OBI1: variants seen among roughly 807,000 people sequenced by gnomAD.
The protein encoded by OBI1 is ring finger protein 219.
Under a neutral mutation model 62.4 loss-of-function variants are expected in OBI1, and 59 were observed. The ratio of observed to expected loss-of-function variants is 0.95; its 90% confidence interval spans 0.77 to 1.17. The LOEUF (loss-of-function observed/expected upper bound fraction) is 1.17, where lower values mean the gene tolerates loss of function less well. Among genes scored for constraint, OBI1 ranks in the 50% most tolerant of loss-of-function variants. The pLI is 0.00. For synonymous variants in OBI1, 302 were observed against 292.8 expected (o/e 1.03, Z -0.32); for missense variants, 875 against 830.9 (o/e 1.05, Z -0.65).
intron 5 of OBI1, among the ~76,000 whole-genome samples, chr13:78,622,667 A>G (rs1218746727): frequency 1.3e-5 from 2 of 152,212 alleles, no homozygotes; most frequent in East Asian, 3.8e-4. Context: ...ATATCTCCCA[A>G]CACACAATCT....
chr13:78,653,573 C>T (rs1876608520), intron 1 of OBI1, among the ~76,000 whole-genome samples: 1 of 152,174 alleles, frequency 6.6e-6, no homozygotes, highest in African/African-American at 2.4e-5. Flanking sequence ...ACAGTTCTTT[C>T]TTCCTTGGAG....
intron 1 of OBI1, among the ~76,000 whole-genome samples, chr13:78,645,436 A>G (rs1163591334): frequency 1.3e-5 from 2 of 152,218 alleles, no homozygotes; most frequent in Non-Finnish European, 2.9e-5. Flanking sequence ...ACAGAATAAC[A>G]GCAACTATTA....
intron 5 of OBI1, among the ~76,000 whole-genome samples, chr13:78,633,936 G>A (rs1341530016): frequency 4.0e-5 from 6 of 151,662 alleles, no homozygotes; most frequent in Admixed American, 6.6e-5. Flanking sequence ...GCGAGGTGGC[G>A]GGTGCCTGTA....
chr13:78,658,015 C>T (rs1039965268), intron 1 of OBI1, among the ~76,000 whole-genome samples: 6 of 152,202 alleles, frequency 3.9e-5, no homozygotes, highest in African/African-American at 1.4e-4. Context: ...TTATCAGTTG[C>T]TTCCAATGCT....
intron 5 of OBI1, among the ~76,000 whole-genome samples, chr13:78,618,514 T>TC (rs1222989613): frequency 6.6e-6 from 1 of 152,042 alleles, no homozygotes; most frequent in East Asian, 1.9e-4. Context: ...CCCAATTCAT[T>TC]CCCCATCTCA....
At chr13:78,647,784 T>C (rs1163562143) in intron 1 of OBI1, among the ~76,000 whole-genome samples, 2 of 152,034 alleles carry the variant, frequency 1.3e-5, no homozygotes, top group Non-Finnish European at 2.9e-5. Context: ...GCTGGCCCCC[T>C]TCAATGATGG....
intron 5 of OBI1, among the ~76,000 whole-genome samples, chr13:78,618,166 G>A (rs188459000): frequency 1.8e-4 from 28 of 152,048 alleles, no homozygotes; most frequent in Admixed American, 7.9e-4. Flanking sequence ...ACATAATCCC[G>A]TGAAAAATAC....
At chr13:78,654,086 T>C (rs1372869755) in intron 1 of OBI1, among the ~76,000 whole-genome samples, 1 of 150,372 alleles carries the variant, frequency 6.7e-6, no homozygotes, top group Non-Finnish European at 1.5e-5. Flanking sequence ...ATAGAACTGG[T>C]TCCCCATTCC....
intron 5 of OBI1, among the ~76,000 whole-genome samples, chr13:78,618,566 G>C (rs1490905509): frequency 6.6e-6 from 1 of 151,960 alleles, no homozygotes; most frequent in African/African-American, 2.4e-5. Flanking sequence ...GAAGGAAAAA[G>C]CAGAGGCAAA....
At chr13:78,650,335 G>A (rs769475402) in intron 1 of OBI1, among the ~76,000 whole-genome samples, 5 of 152,220 alleles carry the variant, frequency 3.3e-5, no homozygotes, top group Non-Finnish European at 7.3e-5. Context: ...TAGAGAATAA[G>A]TATGATAGAA....
intron 1 of OBI1, among the ~76,000 whole-genome samples, chr13:78,656,451 G>A (rs930950269): frequency 1.6e-4 from 24 of 152,092 alleles, no homozygotes; most frequent in African/African-American, 5.1e-4. Context: ...GCGTGGTGGC[G>A]CATGCCTGTA....
intron 4 of OBI1, among the ~76,000 whole-genome samples, chr13:78,636,293 T>C (rs978331900): frequency 6.6e-6 from 1 of 152,176 alleles, no homozygotes; most frequent in Non-Finnish European, 1.5e-5. Context: ...TACTCATTGC[T>C]TTTATGTATT....
intron 1 of OBI1, among the ~76,000 whole-genome samples, chr13:78,650,180 T>C (rs1241922163): frequency 6.6e-6 from 1 of 152,148 alleles, no homozygotes; most frequent in Non-Finnish European, 1.5e-5. Context: ...TACCCAGAGT[T>C]GGGGTTTTGC....
At chr13:78,618,393 GA>G (rs543790566) in intron 5 of OBI1, among the ~76,000 whole-genome samples, 1,631 of 144,550 alleles carry the variant, frequency 0.011, 19 homozygotes, top group African/African-American at 0.038. Context: ...ATTTAGTATT[GA>G]AAAAAAAAAC....
intron 1 of OBI1, among the ~76,000 whole-genome samples, chr13:78,654,043 A>AC (rs1171550011): frequency 6.6e-6 from 1 of 151,448 alleles, no homozygotes; most frequent in Non-Finnish European, 1.5e-5. Flanking sequence ...AAAAAAAAAA[A>AC]AAAACCTGTG....
chr13:78,625,399 C>A (rs1875636450), intron 5 of OBI1, among the ~76,000 whole-genome samples: 1 of 152,140 alleles, frequency 6.6e-6, no homozygotes, highest in African/African-American at 2.4e-5. Context: ...GAAACAAAAT[C>A]TAAAAGAAAA....
In OBI1 at chr13:78,617,091, A is replaced by C. The variant is rs780000754; in HGVS notation, c.670T>G (p.Ser224Ala). The C allele has an allele frequency of 3.8e-6, 6 of 1,573,778 alleles. No individual in the cohort carries two copies. Among genetic ancestry groups the C allele is most frequent in the Non-Finnish European group, 5.2e-6 (6 of 1,162,258 alleles). Residue 224 changes from serine (S) to alanine (A), a missense_variant, in exon 6 of 6, where the codon TCC becomes GCC. Coordinates refer to ENST00000282003, the MANE Select transcript of OBI1 (RefSeq NM_024546.4). ...TCACGCTCATACTGTTCTACTTTGG[A>C]CTGAAGAGCAGCAACTGCAAACCTT... is the stretch of plus-strand genomic sequence containing the variant. ...FGRFAVAALQ[S>A]KVEQYERETN...
intron 1 of OBI1, among the ~76,000 whole-genome samples, chr13:78,656,859 G>T (rs1876726671): frequency 7.1e-6 from 1 of 139,864 alleles, no homozygotes; most frequent in South Asian, 2.3e-4. Flanking sequence ...GTGCAATGGC[G>T]CGATCTCAGC....
At chr13:78,643,604 C>G (rs1876285384) in intron 2 of OBI1, among the ~76,000 whole-genome samples, 1 of 152,150 alleles carries the variant, frequency 6.6e-6, no homozygotes, top group East Asian at 1.9e-4. Context: ...GCCTGACCAA[C>G]ATGGAGAAAC....
Sources: gnomAD v4.1 joint callset for allele counts (sites outside exome capture counted in the v4.1 genomes callset) on GRCh38, gnomAD v4.1.1 for gene constraint, MANE v1.5 for transcripts, NCBI Gene and HGNC (gene_info 2026-07-23, HGNC 2026-07-21) for gene names.